The following ACAD10 variants were observed in gnomAD, a reference collection of about 807,000 sequenced individuals.
ACAD10 encodes acyl-CoA dehydrogenase family member 10, also known as ACAD-10.
A neutral mutation model predicts 116.8 loss-of-function variants in ACAD10; 112 were observed. The ratio of observed to expected loss-of-function variants is 0.96; its 90% CI spans 0.82 to 1.12. The LOEUF is 1.12. Among genes scored for constraint, ACAD10 ranks in the 50% most tolerant of loss-of-function variants. The pLI, the probability that ACAD10 is intolerant of heterozygous loss-of-function variation, is 0.00. For synonymous variants in ACAD10, 486 were observed against 510.6 expected (o/e 0.95, Z 0.65); for missense variants, 1,259 against 1,350.2 (o/e 0.93, Z 1.06).
Position 111,705,855 on chromosome 12 carries a change from A to G in ACAD10, c.454A>G (p.Thr152Ala), listed in dbSNP as rs1306179706. 1 of 1,614,154 alleles carries G rather than the reference A, an allele frequency of 6.2e-7. No homozygotes were observed. The highest frequency in any genetic ancestry group is 1.1e-5 in the South Asian group (1 of 91,084). ...TCAAATTCGGGCAAAAGGTCTTCAG[A>G]CTGCAGTCTTGAGCAATAATTTTTA... is the stretch of plus-strand genomic sequence containing the variant. ...ITQIRAKGLQTAVLSNNFYLP... is the reference protein window; with the variant it reads ...ITQIRAKGLQAAVLSNNFYLP... The change falls in exon 4 of 21, where the codon ACT (threonine) becomes GCT (alanine). Residue 152 changes from threonine (T) to alanine (A), a missense_variant. Thr to Ala is a moderately conservative substitution (Grantham distance 58). Transcript: ENST00000313698.
chr12:111,747,445 G>A (rs973187751), intron 16 of ACAD10, 60 bp downstream of exon 16: 19 of 1,601,100 alleles, frequency 1.2e-5, no homozygotes, highest in African/African-American at 6.7e-5. Context: ...TGTTAGGCGC[G>A]TCTCTCAATG....
chr12:111,697,224 G>C (rs1465638620), intron 2 of ACAD10, among the ~76,000 whole-genome samples: 1 of 151,852 alleles, frequency 6.6e-6, no homozygotes, highest in Non-Finnish European at 1.5e-5. Flanking sequence ...CTGGGTGACA[G>C]ATCAAGACTC....
At position 111,747,333 on chromosome 12, in the gene ACAD10, C is replaced by A. The variant is rs776932630; in HGVS notation, c.2433C>A (p.Ile811=). The change falls in exon 16 of 21, where the codon ATC becomes ATA. Residue 811 remains isoleucine (I), a synonymous_variant. Coordinates refer to ENST00000313698, the MANE Select transcript of ACAD10 (RefSeq NM_025247.6). ...SSDATNIEAS[I]REEDSFYVIN... is the part of the protein sequence containing the mutation. ...ATGCCACCAACATTGAGGCTTCCAT[C>A]AGAGAGGAGGACAGCTTCTATGTCA... 1 of 1,614,182 alleles carries A rather than the reference C, an allele frequency of 6.2e-7. No homozygotes were observed. The highest frequency in any genetic ancestry group is 1.3e-5 in the African/African-American group (1 of 75,046).
intron 18 of ACAD10, among the ~76,000 whole-genome samples, chr12:111,750,114 C>G (rs1285107280): frequency 7.6e-6 from 1 of 131,196 alleles, no homozygotes; most frequent in African/African-American, 2.9e-5. Flanking sequence ...TTTTTTGAGA[C>G]GGAATCTCAC....
At chr12:111,738,802 C>T (rs1889648431) in intron 12 of ACAD10, among the ~76,000 whole-genome samples, 1 of 151,922 alleles carries the variant, frequency 6.6e-6, no homozygotes, top group Admixed American at 6.6e-5. Flanking sequence ...ACCCAGGGGG[C>T]AGAGGTTGCA....
chr12:111,687,273 A>G (rs543938846), intron 1 of ACAD10, among the ~76,000 whole-genome samples: 25 of 152,318 alleles, frequency 1.6e-4, no homozygotes, highest in East Asian at 5.8e-4. Flanking sequence ...ACTACATCCT[A>G]TGAAATACGT....
rs1174883043 is a variant in ACAD10, at chr12:111,700,723, TTTCC to T, written c.188-1421_188-1418del. ...AAGATAGGACTGCTTGTCCTTTTAC[TTTCC>T]TTCCTTCCTTCCTTCCTCTTCTTTT... On this transcript the variant is annotated intron_variant, in intron 2 of 20. Transcript: ENST00000313698. Among the ~76,000 whole-genome samples the T allele has an allele frequency of 2.5e-3, 373 of 150,554 alleles. 4 individuals are homozygous for T. The highest frequency in any genetic ancestry group is 7.3e-3 in the African/African-American group (295 of 40,292).
chr12:111,748,374 CACCAAGACACCG>C lies in ACAD10; in HGVS notation c.2544_2555del (p.Pro849_Arg852del). The C allele has an allele frequency of 6.2e-7, 1 of 1,614,164 alleles. No homozygotes were observed. Among genetic ancestry groups the C allele is most frequent in the South Asian group, 1.1e-5 (1 of 91,086 alleles). ...TTTATGGGAAAAACAGACCCACATG[CACCAAGACACCG>C]GCAGCAGTCTGTGCTCTTGGTTCCC... On this transcript the variant is annotated inframe_deletion, in exon 17 of 21. Transcript: ENST00000313698.
At chr12:111,755,789 T>C (rs2135997698) in intron 20 of ACAD10, 44 bp downstream of exon 20, 1 of 1,578,558 alleles carries the variant, frequency 6.3e-7, no homozygotes, top group Non-Finnish European at 8.7e-7. Flanking sequence ...CCATCAATAC[T>C]AGATGCCAAA....
chr12:111,721,589 A>G (rs1889014912), intron 7 of ACAD10, 82 bp from the exon 8 acceptor site: 2 of 1,344,554 alleles, frequency 1.5e-6, no homozygotes, highest in African/African-American at 1.5e-5. Flanking sequence ...CAAACAAACA[A>G]ACAAAAAACA....
At chr12:111,751,316 A>T (rs796463500) in intron 18 of ACAD10, among the ~76,000 whole-genome samples, 23 of 151,728 alleles carry the variant, frequency 1.5e-4, no homozygotes, top group African/African-American at 4.8e-4. Context: ...ACTTAAATTT[A>T]AAAAAAAAGA....
intron 12 of ACAD10, among the ~76,000 whole-genome samples, chr12:111,743,280 AAC>A (rs1372292167): frequency 6.6e-6 from 1 of 152,120 alleles, no homozygotes; most frequent in East Asian, 1.9e-4. Flanking sequence ...AGACTACAGA[AAC>A]AGAGATCAGT....
chr12:111,703,077 CTG>C (rs1888395651), intron 3 of ACAD10, among the ~76,000 whole-genome samples: 1 of 142,360 alleles, frequency 7.0e-6, no homozygotes, highest in Admixed American at 7.2e-5. Context: ...TAACAAGACT[CTG>C]TCTCAAAAAA....
Position 111,728,087 on chromosome 12 carries a change from G to A in ACAD10, c.1187G>A (p.Cys396Tyr), listed in dbSNP as rs755727414. Residue 396 changes from cysteine (C) to tyrosine (Y), a missense_variant, in exon 9 of 21, where the codon TGC becomes TAC. By Grantham distance (194) the Cys-to-Tyr change is radical. Transcript: ENST00000313698. ...TACACTGCCATGAACACAGTCCTGT[G>A]CAAAATTCACAGTGTGGATCTGCAG... is the stretch of plus-strand genomic sequence containing the variant. Reference protein sequence around the residue: ...AIYTAMNTVLCKIHSVDLQAV... With the variant: ...AIYTAMNTVLYKIHSVDLQAV... 1 of 1,613,824 alleles carries A rather than the reference G, an allele frequency of 6.2e-7. No homozygotes were observed. The highest frequency in any genetic ancestry group is 1.1e-5 in the South Asian group (1 of 90,996).
At chr12:111,733,580 G>C (rs1292586172) in intron 10 of ACAD10, among the ~76,000 whole-genome samples, 2 of 152,182 alleles carry the variant, frequency 1.3e-5, no homozygotes, top group Non-Finnish European at 2.9e-5. Context: ...CCTTTTGTGG[G>C]AGGAGTGTCA....
chr12:111,716,909 C>T (rs760360515), intron 7 of ACAD10, among the ~76,000 whole-genome samples: 3 of 152,084 alleles, frequency 2.0e-5, no homozygotes, highest in Non-Finnish European at 4.4e-5. Flanking sequence ...TAATCTGTAC[C>T]ATAATCAGGA....
At chr12:111,750,212 C>T (rs2135993014) in intron 18 of ACAD10, among the ~76,000 whole-genome samples, 1 of 151,826 alleles carries the variant, frequency 6.6e-6, no homozygotes, top group South Asian at 2.1e-4. Flanking sequence ...TTGCCTCAGC[C>T]TCCCGAGTAG....
rs369920047 is a variant in ACAD10, at chr12:111,709,661, A to G, written c.667A>G (p.Arg223Gly). 2 of 1,613,450 alleles carry G rather than the reference A, an allele frequency of 1.2e-6. No homozygotes were observed. The highest frequency in any genetic ancestry group is 1.3e-5 in the African/African-American group (1 of 74,934). ...TGGAACAAATCTAAAAGAAGCTGCC[A>G]GACTTGGTATTCACACCATTAAGGT... ...DLGTNLKEAA[R>G]LGIHTIKVND... is the part of the protein sequence containing the mutation. Residue 223 changes from arginine (R) to glycine (G), a missense_variant, in exon 5 of 21, where the codon AGA (arginine) becomes GGA (glycine). Coordinates refer to ENST00000313698, the MANE Select transcript of ACAD10 (RefSeq NM_025247.6).
intron 7 of ACAD10, among the ~76,000 whole-genome samples, chr12:111,720,895 T>A (rs549995723): frequency 1.3e-5 from 2 of 152,108 alleles, no homozygotes; most frequent in African/African-American, 2.4e-5. Context: ...GTGATTCTCA[T>A]GCTTCAGCCA....
Sources: gnomAD v4.1 joint callset for allele counts (sites outside exome capture counted in the v4.1 genomes callset) on GRCh38, gnomAD v4.1.1 for gene constraint, MANE v1.5 for transcripts, NCBI Gene and HGNC (gene_info 2026-07-23, HGNC 2026-07-21) for gene names.